Variants in ALDH18A1 observed in about 807,000 individuals in gnomAD.
ALDH18A1 encodes the protein aldehyde dehydrogenase 18 family member A1.
ALDH18A1 carries 44 observed loss-of-function variants against 88.8 expected under a neutral mutation model. The observed-to-expected ratio is 0.50, with a 90% CI of 0.39 to 0.64. The LOEUF is 0.64. Ranked by LOEUF, ALDH18A1 falls within the 30% of genes least tolerant of loss-of-function variation. The pLI is 0.00. For synonymous variants in ALDH18A1, 331 were observed against 372.1 expected, an observed-to-expected ratio of 0.89 and a Z score of 1.27; for missense variants, 782 against 1,009.5, an observed-to-expected ratio of 0.77 and a Z score of 3.05.
At chr10:95,628,009 G>A (rs1026831044) in intron 8 of ALDH18A1, among the ~76,000 whole-genome samples, 3 of 152,146 alleles carry the variant, frequency 2.0e-5, no homozygotes, top group Non-Finnish European at 2.9e-5. Flanking sequence ...TGTACCTTAC[G>A]GGTATAACTT....
At chr10:95,640,133 A>G (rs866272169) in intron 3 of ALDH18A1, among the ~76,000 whole-genome samples, 26 of 152,278 alleles carry the variant, frequency 1.7e-4, no homozygotes, top group Middle Eastern at 6.8e-3. Flanking sequence ...CCAAAAGGGA[A>G]ACTCTCCTTT....
At position 95,609,769 on chromosome 10, in the gene ALDH18A1, ATTT is replaced by A. The variant is rs55659918; in HGVS notation, c.2206+425_2206+427del. ...CCTACCTTGCCAGAAGTCTGTCTCTATTTTTTTTTTTTTTTTGAGATGGTGTCT... is the reference window on the plus strand; with the variant it reads ...CCTACCTTGCCAGAAGTCTGTCTCTATTTTTTTTTTTTTGAGATGGTGTCT... On this transcript the variant is annotated intron_variant, in intron 17 of 17. Transcript: ENST00000371224. Among the ~76,000 whole-genome samples the A allele has an allele frequency of 7.0e-5, 8 of 114,266 alleles. 1 individual carries two copies. Among genetic ancestry groups the A allele is most frequent in the African/African-American group, 2.8e-4 (8 of 29,088 alleles). The allele number at this position is 114,266 out of a possible 152,430, so 75.0% of individuals were successfully genotyped here.
rs762744165 is a variant in ALDH18A1 at position 95,633,686 on chromosome 10, G to T, written c.559-37C>A. On this transcript the variant is annotated intron_variant, in intron 5 of 17. Coordinates refer to ENST00000371224, the MANE Select transcript of ALDH18A1 (RefSeq NM_002860.4). ...AAATAGATGGAAAATGCATGAGGGA[G>T]AAAAACGCTAAACTTCCCAGTATAC... 1.9e-6 allele frequency: 3 copies of T among 1,608,406 alleles called. No individual in the cohort carries two copies. The Admixed American group carries it at 5.0e-5, about 27-fold the overall frequency.
At position 95,621,188 on chromosome 10, in the gene ALDH18A1, G is replaced by A. The variant is rs1307932058; in HGVS notation, c.1310C>T (p.Ala437Val). The A allele has an allele frequency of 6.2e-7, 1 of 1,614,128 alleles. No individual in the cohort carries two copies. The change falls in exon 12 of 18, where the codon GCC (alanine) becomes GTC (valine). Residue 437 changes from alanine (A) to valine (V), a missense_variant. Physicochemically the swap from Ala to Val is moderately conservative, Grantham distance 64 (BLOSUM62 0). This residue lies in a region of ALDH18A1 where 556 missense variants were observed against 654.5 expected (regional missense o/e 0.85). Coordinates refer to ENST00000371224, the MANE Select transcript of ALDH18A1 (RefSeq NM_002860.4). The part of the protein sequence containing the change: ...SLSTSKLNSL[A>V]IGLRQIAASS... ...GGCTGCGATCTGTCGCAGACCGATG[G>A]CCAGGCTGTTCAATTTGGATGTGGA...
At chr10:95,628,061 C>G in intron 8 of ALDH18A1, among the ~76,000 whole-genome samples, 1 of 152,132 alleles carries the variant, frequency 6.6e-6, no homozygotes, top group East Asian at 1.9e-4. Context: ...AAGATTTCAT[C>G]AAGAAATATT....
In ALDH18A1 at chr10:95,614,161, C is replaced by G; in HGVS notation, c.1606G>C (p.Val536Leu). The change falls in exon 14 of 18, where the codon GTG (valine) becomes CTG (leucine). Residue 536 changes from valine to leucine, a missense_variant and splice_region_variant. Physicochemically the swap from Val to Leu is conservative, Grantham distance 32. This residue lies in a region of ALDH18A1 where 556 missense variants were observed against 654.5 expected (regional missense o/e 0.85). Coordinates refer to ENST00000371224, the MANE Select transcript of ALDH18A1 (RefSeq NM_002860.4). ...TCTTCAACTTCTTCTCTGGTATTCA[C>G]CTTTAGAAGGAAAGAAGAAAAAGAT... The part of the protein sequence containing the change: ...IHGVKEAVQL[V>L]NTREEVEDLC... 6.2e-7 allele frequency: 1 copy of G among 1,613,880 alleles called. No individual in the cohort carries two copies. Among genetic ancestry groups the G allele is most frequent in the Non-Finnish European group, 8.5e-7 (1 of 1,179,952 alleles).
At chr10:95,647,088 T>G (rs921569037) in intron 2 of ALDH18A1, among the ~76,000 whole-genome samples, 1 of 152,192 alleles carries the variant, frequency 6.6e-6, no homozygotes, top group African/African-American at 2.4e-5. Context: ...CTGCTTATCA[T>G]GGTCAGTGAA....
intron 15 of ALDH18A1, 24 bp from the exon 16 acceptor site, chr10:95,611,466 C>A: frequency 1.2e-6 from 2 of 1,612,464 alleles, no homozygotes; most frequent in Non-Finnish European, 1.7e-6. Context: ...AGTCCAGGGG[C>A]AACAACATAA....
chr10:95,617,581 G>T (rs187340877), intron 12 of ALDH18A1, among the ~76,000 whole-genome samples: 37 of 152,342 alleles, frequency 2.4e-4, no homozygotes, highest in Admixed American at 1.8e-3. Flanking sequence ...TAGTTGCCTT[G>T]TTAGAGCAAA....
intron 7 of ALDH18A1, among the ~76,000 whole-genome samples, chr10:95,632,656 G>T (rs1045739999): frequency 6.6e-6 from 1 of 152,158 alleles, no homozygotes; most frequent in Admixed American, 6.5e-5. Flanking sequence ...GAGCCACCAC[G>T]CCAGGACAGA....
intron 3 of ALDH18A1, among the ~76,000 whole-genome samples, chr10:95,640,416 A>G (rs565986234): frequency 6.6e-6 from 1 of 150,724 alleles, no homozygotes; most frequent in Non-Finnish European, 1.5e-5. Context: ...ATCTTGTCTC[A>G]CTGCAACCTC....
rs909241075 is a variant in ALDH18A1 at position 95,633,794 on chromosome 10, T to C, written c.559-145A>G. On this transcript the variant is annotated intron_variant, in intron 5 of 17. Coordinates refer to ENST00000371224, the MANE Select transcript of ALDH18A1 (RefSeq NM_002860.4). Reference sequence around the variant, plus strand: ...AGAAGATTAGAATGAAATACACATATCTGGGTGCTATCCAATTCTTTTTTT... The same window carrying C: ...AGAAGATTAGAATGAAATACACATACCTGGGTGCTATCCAATTCTTTTTTT... 12 of 608,802 alleles carry C rather than the reference T, an allele frequency of 2.0e-5. 1 individual carries two copies. The highest frequency in any genetic ancestry group is 3.1e-5 in the Non-Finnish European group (11 of 350,444). 37.7% of individuals were successfully genotyped at this position (608,802 alleles called of 1,614,324 possible).
rs561568002 is a variant in ALDH18A1 at position 95,614,952 on chromosome 10, T to C, written c.1606-791A>G. ...AGAAAACTACTGCTAGATGCAACAA[T>C]GGGAATGAATGCCACAGACATAACG... is the stretch of plus-strand genomic sequence containing the variant. On this transcript the variant is annotated intron_variant, in intron 13 of 17. Transcript: ENST00000371224. Among the ~76,000 whole-genome samples the C allele has an allele frequency of 6.9e-4, 105 of 152,268 alleles. 1 individual carries two copies. The South Asian group carries it at 0.02, about 29-fold the overall frequency.
At chr10:95,650,782 A>G (rs1387010663) in intron 2 of ALDH18A1, among the ~76,000 whole-genome samples, 2 of 152,124 alleles carry the variant, frequency 1.3e-5, no homozygotes. Flanking sequence ...CTAAGACAGG[A>G]AGATATAGAG....
intron 2 of ALDH18A1, among the ~76,000 whole-genome samples, chr10:95,647,046 CCTTT>C (rs1452849591): frequency 1.3e-5 from 2 of 152,158 alleles, no homozygotes; most frequent in Non-Finnish European, 2.9e-5. Flanking sequence ...TCTCATTTTG[CCTTT>C]CTTTTCTTTT....
At chr10:95,624,744 G>C (rs978556640) in intron 11 of ALDH18A1, among the ~76,000 whole-genome samples, 3 of 152,140 alleles carry the variant, frequency 2.0e-5, no homozygotes, top group Non-Finnish European at 4.4e-5. Context: ...GATGGCACCT[G>C]GTGCTAACTC....
intron 13 of ALDH18A1, among the ~76,000 whole-genome samples, chr10:95,615,373 G>A (rs1353843395): frequency 6.6e-6 from 1 of 151,398 alleles, no homozygotes; most frequent in African/African-American, 2.4e-5. Context: ...AATTTAATGT[G>A]ACAGAAGTCA....
rs546326979 is a variant in ALDH18A1 at position 95,650,416 on chromosome 10, T to C, written c.88+2874A>G. 2.0e-5 allele frequency among the ~76,000 whole-genome samples: 3 copies of C among 152,288 alleles called. No homozygotes were observed. In the South Asian group the frequency reaches 6.2e-4, roughly 32 times the overall value. ...TCAGGTTGAAATCTGATCCCCAGTG[T>C]TGGAGGTGGGGCCTGGTAGGAAGTG... On this transcript the variant is annotated intron_variant, in intron 2 of 17. Transcript: ENST00000371224.
chr10:95,632,364 T>C (rs940258995), intron 7 of ALDH18A1, among the ~76,000 whole-genome samples: 23 of 152,130 alleles, frequency 1.5e-4, no homozygotes, highest in Non-Finnish European at 2.1e-4. Context: ...TTGTAAACTT[T>C]TATTTATTTA....
Sources: allele counts gnomAD v4.1 joint callset (sites outside exome capture counted in the v4.1 genomes callset), GRCh38; gene constraint gnomAD v4.1.1; regional missense constraint gnomAD v4.1.1; transcripts MANE v1.5; gene names NCBI Gene and HGNC (gene_info 2026-07-23, HGNC 2026-07-21).